ZNF782: variants seen among roughly 807,000 people sequenced by gnomAD.
ZNF782 encodes zinc finger protein 782.
A neutral mutation model predicts 13.0 loss-of-function variants in ZNF782; 12 were observed. The ratio of observed to expected loss-of-function variants is 0.92; its 90% CI spans 0.59 to 1.50. The LOEUF is 1.50. Among genes scored for constraint, ZNF782 ranks in the 40% most tolerant of loss-of-function variants. The pLI is 0.00. For synonymous variants in ZNF782, 284 were observed against 283.0 expected, an observed-to-expected ratio of 1.00 and a Z score of -0.04; for missense variants, 770 against 822.9, an observed-to-expected ratio of 0.94 and a Z score of 0.79.
chr9:96,926,398 G>GT, the ZNF782 span, among the ~76,000 whole-genome samples: 1 of 152,226 alleles, frequency 6.6e-6, no homozygotes. Flanking sequence ...TTTGGTTTTG[G>GT]TAAGTTTACC....
chr9:96,871,590 T>C, intron 1 of ZNF782, among the ~76,000 whole-genome samples: 1 of 152,232 alleles, frequency 6.6e-6, no homozygotes. Context: ...TCCCAGCTAC[T>C]CATAAGGCTT....
At chr9:96,911,970 CG>C in the ZNF782 span, among the ~76,000 whole-genome samples, 4 of 151,744 alleles carry the variant, frequency 2.6e-5, no homozygotes, top group African/African-American at 4.8e-5. Context: ...GAGGCCGAGG[CG>C]GGCAGATCAT....
the ZNF782 span, among the ~76,000 whole-genome samples, chr9:96,901,869 C>CAAA: frequency 1.7e-5 from 1 of 59,574 alleles, no homozygotes; most frequent in African/African-American, 4.6e-5. Context: ...AACTCTGTCT[C>CAAA]AAAAAAAAAA....
the ZNF782 span, among the ~76,000 whole-genome samples, chr9:96,900,505 C>T: frequency 3.9e-5 from 6 of 152,128 alleles, no homozygotes; most frequent in South Asian, 2.1e-4. Flanking sequence ...CTTGGAAGGC[C>T]GAGGCGGGGG....
upstream of ZNF782, among the ~76,000 whole-genome samples, chr9:96,856,103 C>G (rs976433840): frequency 6.6e-6 from 1 of 151,284 alleles, no homozygotes; most frequent in Non-Finnish European, 1.5e-5. Flanking sequence ...TGTTTTTTTT[C>G]TTTGATGAGA....
At chr9:96,843,580 G>C (rs1046039084) in intron 4 of ZNF782, among the ~76,000 whole-genome samples, 1 of 152,182 alleles carries the variant, frequency 6.6e-6, no homozygotes, top group African/African-American at 2.4e-5. Context: ...TGTGGTGATA[G>C]AGCAGTTCTG....
intron 5 of ZNF782, 59 bp from the exon 6 acceptor site, chr9:96,819,837 G>GACATATATAT: frequency 4.4e-6 from 6 of 1,357,782 alleles, no homozygotes; most frequent in Non-Finnish European, 5.9e-6. Context: ...TATGGAATGG[G>GACATATATAT]ACATATATGT....
At chr9:96,893,954 C>T in the ZNF782 span, 1 of 136,810 alleles carries the variant, frequency 7.3e-6, no homozygotes, top group African/African-American at 3.4e-5. Flanking sequence ...GAGCGGAGAT[C>T]GCGCCACTGC....
the ZNF782 span, among the ~76,000 whole-genome samples, chr9:96,912,345 C>A: frequency 1.4e-5 from 2 of 146,394 alleles, no homozygotes; most frequent in African/African-American, 2.5e-5. Context: ...GCCAACATGG[C>A]GAAACCCCGT....
At chr9:96,862,913 T>C (rs1382451026) in intron 1 of ZNF782, among the ~76,000 whole-genome samples, 1 of 152,198 alleles carries the variant, frequency 6.6e-6, no homozygotes, top group Non-Finnish European at 1.5e-5. Context: ...GCTCTAGCTC[T>C]AGTTACAAGG....
chr9:96,910,295 G>A, the ZNF782 span: 1 of 565,282 alleles, frequency 1.8e-6, no homozygotes, highest in South Asian at 1.6e-5. Flanking sequence ...TGGTGAGGAA[G>A]AGGATGGAGA....
the ZNF782 span, among the ~76,000 whole-genome samples, chr9:96,922,436 A>T: frequency 0.033 from 5,012 of 151,862 alleles, 12 homozygotes; most frequent in East Asian, 0.28. Flanking sequence ...TCTTCTACTT[A>T]GTTGTAGTCT....
intron 4 of ZNF782, among the ~76,000 whole-genome samples, chr9:96,840,945 G>T (rs1045999928): frequency 6.6e-6 from 1 of 151,862 alleles, no homozygotes; most frequent in Non-Finnish European, 1.5e-5. Flanking sequence ...AAAAGAGAAA[G>T]ATCAATGAGA....
chr9:96,875,500 C>A, exon 1 of ZNF782: 1 of 456,758 alleles, frequency 2.2e-6, no homozygotes, highest in Non-Finnish European at 4.4e-6. Flanking sequence ...GCAGCTCTTT[C>A]GGTCTCCACA....
At chr9:96,927,840 GT>G in the ZNF782 span, among the ~76,000 whole-genome samples, 1 of 149,868 alleles carries the variant, frequency 6.7e-6, no homozygotes, top group Non-Finnish European at 1.5e-5. Context: ...TTAAAAAACA[GT>G]CCAACATCTC....
chr9:96,825,004 C>T (rs1850566065), intron 5 of ZNF782, among the ~76,000 whole-genome samples: 1 of 151,566 alleles, frequency 6.6e-6, no homozygotes, highest in Non-Finnish European at 1.5e-5. Flanking sequence ...AGATTCAATG[C>T]CATCCCCATC....
upstream of ZNF782, among the ~76,000 whole-genome samples, chr9:96,856,644 C>T (rs117836099): frequency 9.2e-3 from 1,407 of 152,304 alleles, 52 homozygotes; most frequent in East Asian, 0.1. Flanking sequence ...TTTCCTAAAG[C>T]TTTTGCAAAA....
At chr9:96,849,536 A>C (rs969287462) in intron 3 of ZNF782, among the ~76,000 whole-genome samples, 1 of 152,262 alleles carries the variant, frequency 6.6e-6, no homozygotes, top group Admixed American at 6.5e-5. Context: ...CAAAGACTTA[A>C]ATCTGTGACC....
rs1421109950 is a variant in ZNF782, at chr9:96,816,327, T to C, written c.*1596A>G. On this transcript the variant is annotated 3_prime_UTR_variant, in exon 6 of 6. Coordinates refer to ENST00000481138, the MANE Select transcript of ZNF782 (RefSeq NM_001001662.3). ...TGGCAAATTGTAGCTGATGTCAAAGTAGTTATAAAGCAAGGGGAACACAAT... is the reference window on the plus strand; with the variant it reads ...TGGCAAATTGTAGCTGATGTCAAAGCAGTTATAAAGCAAGGGGAACACAAT... The C allele has an allele frequency of 6.6e-6, 1 of 152,204 alleles. No individual in the cohort carries two copies. The highest frequency in any genetic ancestry group is 1.5e-5 in the Non-Finnish European group (1 of 68,032). 9.4% of individuals were successfully genotyped at this position (152,204 alleles called of 1,614,324 possible).
Sources: gnomAD v4.1 joint callset for allele counts (sites outside exome capture counted in the v4.1 genomes callset) on GRCh38, gnomAD v4.1.1 for gene constraint, MANE v1.5 for transcripts, NCBI Gene and HGNC (gene_info 2026-07-23, HGNC 2026-07-21) for gene names.